Variants in LRRC34 observed in about 807,000 individuals in gnomAD.
The protein encoded by LRRC34 is leucine rich repeat containing 34.
A neutral mutation model predicts 48.5 loss-of-function variants in LRRC34; 44 were observed. That is an observed-to-expected ratio of 0.91 (90% CI 0.71 to 1.17). The LOEUF is 1.17. Ranked by LOEUF, LRRC34 falls within the 50% of genes most tolerant of loss-of-function variation. LRRC34 has a pLI of 0.00. For missense variants in LRRC34, 502 were observed against 563.0 expected, an observed-to-expected ratio of 0.89 and a Z score of 1.10; for synonymous variants, 192 against 197.6, an observed-to-expected ratio of 0.97 and a Z score of 0.24.
intron 6 of LRRC34, among the ~76,000 whole-genome samples, chr3:169,803,659 T>G (rs1210934751): frequency 6.6e-6 from 1 of 152,172 alleles, no homozygotes; most frequent in African/African-American, 2.4e-5. Context: ...CTTGGACTCC[T>G]CACCTCGGGT....
intron 6 of LRRC34, among the ~76,000 whole-genome samples, chr3:169,803,343 T>C (rs944216632): frequency 6.6e-6 from 1 of 152,242 alleles, no homozygotes; most frequent in South Asian, 2.1e-4. Flanking sequence ...GCCTCCTGAA[T>C]AGCTGGGACT....
At position 169,812,900 on chromosome 3, in the gene LRRC34, A is replaced by C. The variant is rs1779656239; in HGVS notation, c.-352T>G. On this transcript the variant is annotated 5_prime_UTR_variant, in exon 1 of 11. Coordinates refer to ENST00000446859, the MANE Select transcript of LRRC34 (RefSeq NM_001172779.2). The surrounding 1 kb of genome is among the most constrained non-coding windows in gnomAD (Gnocchi z 4.3). ...AGCAGAGTAGCATCAGCACATGATA[A>C]AGGCGTTGGGCTTTGGGAGCATAAA... The C allele has an allele frequency of 1.3e-5, 3 of 236,492 alleles. No individual in the cohort carries two copies. The highest frequency in any genetic ancestry group is 9.7e-5 in the East Asian group (1 of 10,314). The allele number at this position is 236,492 out of a possible 1,614,324, so 14.6% of individuals were successfully genotyped here.
Position 169,796,893 on chromosome 3 carries a change from A to T in LRRC34, c.760T>A (p.Ser254Thr). 6.4e-7 allele frequency: 1 copy of T among 1,559,864 alleles called. No individual in the cohort carries two copies. The highest frequency in any genetic ancestry group is 8.7e-7 in the Non-Finnish European group (1 of 1,153,084). The change falls in exon 8 of 11, where the codon TCT becomes ACT. Residue 254 changes from serine to threonine, a missense_variant. By Grantham distance (58) the Ser-to-Thr change is moderately conservative. Coordinates refer to ENST00000446859, the MANE Select transcript of LRRC34 (RefSeq NM_001172779.2). Reference sequence around the variant, plus strand: ...AACATGCGGCCTACATGGACTGTAGACTCTTCCTAAAAGTGGATAAAATCT... The same window carrying T: ...AACATGCGGCCTACATGGACTGTAGTCTCTTCCTAAAAGTGGATAAAATCT... The part of the protein sequence containing the change: ...RPILYSEQEE[S>T]TVHVGRMLKE...
In LRRC34 at chr3:169,793,487, C is replaced by T. The variant is rs1778867633; in HGVS notation, c.*148G>A. The T allele has an allele frequency of 1.8e-6, 1 of 556,204 alleles. No homozygotes were observed. Among genetic ancestry groups the T allele is most frequent in the Non-Finnish European group, 3.0e-6 (1 of 334,794 alleles). The allele number at this position is 556,204 out of a possible 1,614,324, so 34.5% of individuals were successfully genotyped here. ...ACCCTACTCAGTTTTTCACAATAGA[C>T]AGTTATACAAAGTTTAATACAGTCA... On this transcript the variant is annotated 3_prime_UTR_variant, in exon 11 of 11. Coordinates refer to ENST00000446859, the MANE Select transcript of LRRC34 (RefSeq NM_001172779.2).
chr3:169,799,499 C>CA (rs1405195059), intron 7 of LRRC34, among the ~76,000 whole-genome samples: 1 of 151,722 alleles, frequency 6.6e-6, no homozygotes, highest in Non-Finnish European at 1.5e-5. Context: ...ACCAAAAATA[C>CA]AAAAAAATTT....
rs1778879322 is a variant in LRRC34 at position 169,793,752 on chromosome 3, A to G, written c.1278T>C (p.Leu426=). The stretch of plus-strand genomic sequence containing the variant: ...TTTTAAGGCCATTGGAGACTTCTGC[A>G]AGATATACACGTCCATCTACCACAA... ...EPFVVDGRVY[L]AEVSNGLKKH... Residue 426 remains leucine (L), a synonymous_variant, in exon 11 of 11, where the codon CTT becomes CTC. Transcript: ENST00000446859. The G allele has an allele frequency of 6.2e-7, 1 of 1,613,614 alleles. No homozygotes were observed. The highest frequency in any genetic ancestry group is 1.3e-5 in the African/African-American group (1 of 74,898).
chr3:169,801,000 G>A (rs763103164), intron 6 of LRRC34, among the ~76,000 whole-genome samples: 10 of 152,044 alleles, frequency 6.6e-5, no homozygotes, highest in Non-Finnish European at 1.0e-4. Flanking sequence ...TCCATTTCCT[G>A]GGTGTTTCCC....
chr3:169,795,710 T>C, intron 9 of LRRC34, 99 bp from the exon 10 acceptor site: 1 of 1,441,374 alleles, frequency 6.9e-7, no homozygotes, highest in Non-Finnish European at 9.1e-7. Flanking sequence ...CAGTATGTTG[T>C]AATGTAGTGG....
chr3:169,802,357 C>G (rs2108234103), intron 6 of LRRC34, among the ~76,000 whole-genome samples: 1 of 152,300 alleles, frequency 6.6e-6, no homozygotes, highest in African/African-American at 2.4e-5. Context: ...CTGGAAGGTT[C>G]TGACATGGAC....
chr3:169,793,996 GTAAA>G, intron 10 of LRRC34, 158 bp from the exon 11 acceptor site: 1 of 536,102 alleles, frequency 1.9e-6, no homozygotes, highest in Non-Finnish European at 3.2e-6. Context: ...TCCAGGTATT[GTAAA>G]TAGATTTTTA....
chr3:169,806,050 T>G (rs1779360790), intron 5 of LRRC34, among the ~76,000 whole-genome samples: 1 of 152,154 alleles, frequency 6.6e-6, no homozygotes, highest in African/African-American at 2.4e-5. Context: ...GCTATAGTAA[T>G]CAAGATAGTG....
intron 1 of LRRC34, among the ~76,000 whole-genome samples, chr3:169,809,831 C>T (rs1560603809): frequency 6.6e-6 from 1 of 152,236 alleles, no homozygotes; most frequent in East Asian, 1.9e-4. Context: ...CTAAACGGAT[C>T]TGCAGAACGA....
In LRRC34 at chr3:169,806,853, G is replaced by A. The variant is rs372126589; in HGVS notation, c.523C>T (p.Leu175=). The A allele has an allele frequency of 1.9e-6, 3 of 1,587,638 alleles. No homozygotes were observed. The highest frequency in any genetic ancestry group is 1.7e-6 in the Non-Finnish European group (2 of 1,159,028). ...TGAAATACATAAATGCTTACATGTA[G>A]CACTTTAGCAATCAATTCTCCACCT... ...PEGGELIAKV[L]HKNRTLKYLR... Residue 175 remains leucine, a synonymous_variant, in exon 5 of 11, where the codon CTA becomes TTA. Transcript: ENST00000446859.
intron 7 of LRRC34, among the ~76,000 whole-genome samples, chr3:169,798,252 A>G (rs1487958853): frequency 6.6e-6 from 1 of 152,188 alleles, no homozygotes; most frequent in African/African-American, 2.4e-5. Context: ...GGAGTATCCT[A>G]ATTAAGGGAG....
chr3:169,801,813 T>G (rs1023904781), intron 6 of LRRC34, among the ~76,000 whole-genome samples: 1 of 151,922 alleles, frequency 6.6e-6, no homozygotes, highest in Non-Finnish European at 1.5e-5. Flanking sequence ...TATTTTTGTT[T>G]TTATTTATTT....
chr3:169,804,198 A>AT lies in LRRC34; in HGVS notation c.529-18_529-17insA, dbSNP rs769043497. ...CCGATTCTTCTGAAAAGGAAAAAAA[A>AT]CTTATTTAATAATTGTTAATCCACA... On this transcript the variant is annotated splice_polypyrimidine_tract_variant and intron_variant, in intron 5 of 10. Coordinates refer to ENST00000446859, the MANE Select transcript of LRRC34 (RefSeq NM_001172779.2). The AT allele has an allele frequency of 1.1e-5, 17 of 1,553,264 alleles. No homozygotes were observed. Among genetic ancestry groups the AT allele is most frequent in the Non-Finnish European group, 1.4e-5 (16 of 1,147,468 alleles).
intron 8 of LRRC34, 34 bp from the exon 9 acceptor site, chr3:169,796,403 T>C (rs1778990967): frequency 5.1e-6 from 8 of 1,579,828 alleles, no homozygotes; most frequent in Non-Finnish European, 6.0e-6. Flanking sequence ...TTTGAAAATA[T>C]GAAATAGTGT....
intron 5 of LRRC34, among the ~76,000 whole-genome samples, chr3:169,806,198 A>T (rs527750812): frequency 6.6e-6 from 1 of 152,332 alleles, no homozygotes; most frequent in East Asian, 1.9e-4. Flanking sequence ...TAGTCTTTTA[A>T]CAAATGGTGT....
intron 1 of LRRC34, among the ~76,000 whole-genome samples, chr3:169,809,514 T>C (rs1318591764): frequency 6.6e-6 from 1 of 152,208 alleles, no homozygotes; most frequent in Non-Finnish European, 1.5e-5. Flanking sequence ...AGTTGAGATC[T>C]CCTTTCTGTT....
Sources: allele counts gnomAD v4.1 joint callset (sites outside exome capture counted in the v4.1 genomes callset), GRCh38; gene constraint gnomAD v4.1.1; non-coding constraint Gnocchi (gnomAD v3.1); transcripts MANE v1.5; gene names NCBI Gene and HGNC (gene_info 2026-07-23, HGNC 2026-07-21).